ATP13A1: variants seen among roughly 807,000 people sequenced by gnomAD.
ATP13A1 encodes ATPase 13A1, also known as endoplasmic reticulum transmembrane helix translocase.
A neutral mutation model predicts 134.8 loss-of-function variants in ATP13A1; 55 were observed. The observed-to-expected ratio is 0.41, with a 90% CI of 0.33 to 0.51. The LOEUF (loss-of-function observed/expected upper bound fraction) is 0.51. ATP13A1 is among the 20% of genes least tolerant of loss of function. The pLI is 0.29. For missense variants in ATP13A1, 1,389 were observed against 1,652.8 expected (o/e 0.84, Z 2.77); for synonymous variants, 775 against 725.1 (o/e 1.07, Z -1.10).
intron 1 of ATP13A1, 164 bp downstream of exon 1, chr19:19,663,107 G>C: frequency 1.0e-6 from 1 of 1,002,878 alleles, no homozygotes; most frequent in Non-Finnish European, 1.5e-6. Flanking sequence ...GTCAGCAGTG[G>C]GGTCATGATT....
Position 19,656,783 on chromosome 19 carries a change from G to A in ATP13A1, c.977-17C>T. 6.2e-7 allele frequency: 1 copy of A among 1,613,188 alleles called. No homozygotes were observed. The highest frequency in any genetic ancestry group is 8.5e-7 in the Non-Finnish European group (1 of 1,179,682). On this transcript the variant is annotated splice_polypyrimidine_tract_variant and intron_variant, in intron 6 of 25. Coordinates refer to ENST00000357324, the MANE Select transcript of ATP13A1 (RefSeq NM_020410.3). This position sits in a 1 kb window ranked among gnomAD's most constrained non-coding sequence, Gnocchi z 4.6. Reference sequence around the variant, plus strand: ...GGGAGCGGCCTGCAGGGCAGAGGCAGGAGGGTTGGCCAGAGGCCCTGAGGC... The same window carrying A: ...GGGAGCGGCCTGCAGGGCAGAGGCAAGAGGGTTGGCCAGAGGCCCTGAGGC...
At position 19,655,082 on chromosome 19, in the gene ATP13A1, T is replaced by C. The variant is rs574474951; in HGVS notation, c.1655+37A>G. On this transcript the variant is annotated intron_variant, in intron 12 of 25. Transcript: ENST00000357324. This position sits in a 1 kb window ranked among gnomAD's most constrained non-coding sequence, Gnocchi z 5.7. ...GTCTCTCGACTTCCCAGAAACCCCA[T>C]CTGGGTGACCTTTGCTGCAGGGCCC... 2.5e-6 allele frequency: 4 copies of C among 1,611,564 alleles called. No homozygotes were observed. In the South Asian group the frequency reaches 3.3e-5, roughly 13 times the overall value.
rs904445113 is a variant in ATP13A1, at chr19:19,655,946, G to A, written c.1214-13C>T. 6.2e-7 allele frequency: 1 copy of A among 1,604,398 alleles called. No individual in the cohort carries two copies. The highest frequency in any genetic ancestry group is 1.3e-5 in the African/African-American group (1 of 74,866). On this transcript the variant is annotated splice_polypyrimidine_tract_variant and intron_variant, in intron 8 of 25. Coordinates refer to ENST00000357324, the MANE Select transcript of ATP13A1 (RefSeq NM_020410.3). The surrounding 1 kb of genome is among the most constrained non-coding windows in gnomAD (Gnocchi z 5.7). ...CCGCTGTCAACCGCTGGGGAGAGAA[G>A]CAGAGTCACCGTCATGCCTGTCTCC...
chr19:19,658,810 T>C (rs770215100), intron 3 of ATP13A1, among the ~76,000 whole-genome samples: 2 of 152,206 alleles, frequency 1.3e-5, no homozygotes, highest in Non-Finnish European at 2.9e-5. Flanking sequence ...CAGTGAGGAC[T>C]GAAATGTTTA....
rs769542724 is a variant in ATP13A1, at chr19:19,654,668, A to G, written c.1688T>C (p.Ile563Thr). The G allele has an allele frequency of 6.2e-7, 1 of 1,613,372 alleles. No individual in the cohort carries two copies. Among genetic ancestry groups the G allele is most frequent in the Non-Finnish European group, 8.5e-7 (1 of 1,179,810 alleles). Residue 563 changes from isoleucine to threonine, a missense_variant, in exon 13 of 26, where the codon ATC becomes ACC. Transcript: ENST00000357324. ...DGKEVTPVSSIPVETHRALAS... is the reference protein window; with the variant it reads ...DGKEVTPVSSTPVETHRALAS... ...CAGGGCCCGGTGTGTTTCTACAGGG[A>G]TGCTGGACACTGGGGTCACCTCCTT... is the stretch of plus-strand genomic sequence containing the variant.
chr19:19,646,347 G>A lies in ATP13A1; in HGVS notation c.3106C>T (p.Pro1036Ser). 6.2e-7 allele frequency: 1 copy of A among 1,613,780 alleles called. No individual in the cohort carries two copies. The highest frequency in any genetic ancestry group is 8.5e-7 in the Non-Finnish European group (1 of 1,179,842). ...GCFLFISRSK[P>S]LKTLSRERPL... ...CGTTCTCGGGAGAGGGTCTTGAGGGGCTGCAGCAGCAAGGCGGGTGGGGGA... is the reference window on the plus strand; with the variant it reads ...CGTTCTCGGGAGAGGGTCTTGAGGGACTGCAGCAGCAAGGCGGGTGGGGGA... Residue 1036 changes from proline to serine, a missense_variant and splice_region_variant, in exon 23 of 26, where the codon CCC becomes TCC. This residue lies in a region of ATP13A1 where 228 missense variants were observed against 321.0 expected (regional missense o/e 0.71). Coordinates refer to ENST00000357324, the MANE Select transcript of ATP13A1 (RefSeq NM_020410.3).
At position 19,656,758 on chromosome 19, in the gene ATP13A1, G is replaced by A. The variant is rs868323031; in HGVS notation, c.985C>T (p.Pro329Ser). 2 of 1,613,670 alleles carry A rather than the reference G, an allele frequency of 1.2e-6. No individual in the cohort carries two copies. The highest frequency in any genetic ancestry group is 2.2e-5 in the East Asian group (1 of 44,886). ...PGDIVSIGRS[P>S]QENLVPCDVL... Reference sequence around the variant, plus strand: ...TCACATGGCACCAGGTTCTCCTGTGGGGAGCGGCCTGCAGGGCAGAGGCAG... The same window carrying A: ...TCACATGGCACCAGGTTCTCCTGTGAGGAGCGGCCTGCAGGGCAGAGGCAG... Residue 329 changes from proline (P) to serine (S), a missense_variant, in exon 7 of 26, where the codon CCA becomes TCA. Physicochemically the swap from Pro to Ser is moderately conservative, Grantham distance 74. Coordinates refer to ENST00000357324, the MANE Select transcript of ATP13A1 (RefSeq NM_020410.3). The surrounding 1 kb of genome is among the most constrained non-coding windows in gnomAD (Gnocchi z 4.6).
chr19:19,650,319 T>C, intron 17 of ATP13A1: 1 of 235,482 alleles, frequency 4.2e-6, no homozygotes, highest in Non-Finnish European at 8.4e-6. Flanking sequence ...CATTTATCCC[T>C]GCGCCCGTGG....
chr19:19,652,652 G>A lies in ATP13A1; in HGVS notation c.2169C>T (p.Cys723=). The A allele has an allele frequency of 2.5e-6, 4 of 1,608,546 alleles. No homozygotes were observed. The highest frequency in any genetic ancestry group is 3.4e-6 in the Non-Finnish European group (4 of 1,177,832). The change falls in exon 16 of 26, where the codon TGC becomes TGT. Residue 723 remains cysteine (C), a synonymous_variant. Transcript: ENST00000357324. ...LKFVGFIVVS[C]PLKADSKAVI... is the part of the protein sequence containing the mutation. ...CGGCCTTGGAGTCAGCCTTGAGCGGGCAGGAGACCACAATGAAGCCGACGA... is the reference window on the plus strand; with the variant it reads ...CGGCCTTGGAGTCAGCCTTGAGCGGACAGGAGACCACAATGAAGCCGACGA...
Position 19,653,445 on chromosome 19 carries a change from G to C in ATP13A1, c.2100+339C>G. On this transcript the variant is annotated intron_variant, in intron 15 of 25. Coordinates refer to ENST00000357324, the MANE Select transcript of ATP13A1 (RefSeq NM_020410.3). The surrounding 1 kb of genome is among the most constrained non-coding windows in gnomAD (Gnocchi z 4.2). ...CCAAGCGGCAGATGTGCCGGTGGTGGAGGCGGAGGGTGGGCTTTGTGGAGG... is the reference window on the plus strand; with the variant it reads ...CCAAGCGGCAGATGTGCCGGTGGTGCAGGCGGAGGGTGGGCTTTGTGGAGG... 1 of 354,606 alleles carries C rather than the reference G, an allele frequency of 2.8e-6. No individual in the cohort carries two copies. Among genetic ancestry groups the C allele is most frequent in the Non-Finnish European group, 5.2e-6 (1 of 192,352 alleles). 22.0% of individuals were successfully genotyped at this position (354,606 alleles called of 1,614,324 possible).
intron 1 of ATP13A1, among the ~76,000 whole-genome samples, chr19:19,661,108 C>A (rs898455906): frequency 2.0e-5 from 3 of 150,600 alleles, no homozygotes; most frequent in East Asian, 1.9e-4. Flanking sequence ...AACAAAAAAA[C>A]CCCAAAAAAC....
At chr19:19,662,416 C>T in intron 1 of ATP13A1, 11 of 959,242 alleles carry the variant, frequency 1.1e-5, no homozygotes, top group Non-Finnish European at 1.4e-5. Flanking sequence ...TTTTCCTCTT[C>T]TTGAGGCAAA....
In ATP13A1 at chr19:19,656,022, C is replaced by G. The variant is rs200974847; in HGVS notation, c.1213+32G>C. On this transcript the variant is annotated intron_variant, in intron 8 of 25. Transcript: ENST00000357324. The surrounding 1 kb of genome is among the most constrained non-coding windows in gnomAD (Gnocchi z 4.6). ...CAGACGGGCAAAGGGGGTGGAAGCC[C>G]AGATACCCCCAGACGCCCATGAGGC... The G allele has an allele frequency of 1.2e-6, 2 of 1,613,188 alleles. No homozygotes were observed. Among genetic ancestry groups the G allele is most frequent in the African/African-American group, 2.7e-5 (2 of 75,020 alleles).
At chr19:19,662,697 C>T (rs2062102041) in intron 1 of ATP13A1, among the ~76,000 whole-genome samples, 1 of 152,198 alleles carries the variant, frequency 6.6e-6, no homozygotes, top group South Asian at 2.1e-4. Flanking sequence ...ATGTAAATGA[C>T]TCGCTCATAA....
rs2061992073 is a variant in ATP13A1, at chr19:19,647,259, G to A, written c.2975C>T (p.Ala992Val). 3.1e-6 allele frequency: 5 copies of A among 1,613,818 alleles called. No homozygotes were observed. Among genetic ancestry groups the A allele is most frequent in the Non-Finnish European group, 4.2e-6 (5 of 1,179,872 alleles). ...VTTLQMFKILALNALILAYSQ... is the reference protein window; with the variant it reads ...VTTLQMFKILVLNALILAYSQ... ...GTAGGCCAGGATGAGGGCATTGAGC[G>A]CCAGGATCTTGAACATCTGTAGCGT... The change falls in exon 22 of 26, where the codon GCG becomes GTG. Residue 992 changes from alanine to valine, a missense_variant. Physicochemically the swap from Ala to Val is moderately conservative, Grantham distance 64. Transcript: ENST00000357324. The surrounding 1 kb of genome is among the most constrained non-coding windows in gnomAD (Gnocchi z 4.8).
rs1196112547 is a variant in ATP13A1 at position 19,663,418 on chromosome 19, G to A, written c.249C>T (p.Ala83=). The change falls in exon 1 of 26, where the codon GCC becomes GCT. Residue 83 remains alanine, a synonymous_variant. Transcript: ENST00000357324. The part of the protein sequence containing the change: ...LLYPAWLGAA[A]AGCWGWGSSW... ...TGCTGCCCCAGCCCCAGCAGCCAGC[G>A]GCTGCGGCACCCAACCAGGCCGGGT... The A allele has an allele frequency of 6.3e-7, 1 of 1,576,950 alleles. No homozygotes were observed. The highest frequency in any genetic ancestry group is 8.6e-7 in the Non-Finnish European group (1 of 1,163,822).
At position 19,653,612 on chromosome 19, in the gene ATP13A1, G is replaced by A; in HGVS notation, c.2100+172C>T. 1 of 658,380 alleles carries A rather than the reference G, an allele frequency of 1.5e-6. No homozygotes were observed. Among genetic ancestry groups the A allele is most frequent in the Non-Finnish European group, 2.6e-6 (1 of 388,068 alleles). The allele number at this position is 658,380 out of a possible 1,614,324, so 40.8% of individuals were successfully genotyped here. ...AGCCAGGACTGGGTGGGTCCCCACA[G>A]CAGTGGACAGACTGAGTGCCATTTG... On this transcript the variant is annotated intron_variant, in intron 15 of 25. Transcript: ENST00000357324. This position sits in a 1 kb window ranked among gnomAD's most constrained non-coding sequence, Gnocchi z 4.2.
chr19:19,663,064 A>G lies in ATP13A1; in HGVS notation c.396+207T>C, dbSNP rs754285582. ...ACCATAACAGGGAGGACTTCAGAAAAAGGAAATAACCCGCACCAGGCATGC... is the reference window on the plus strand; with the variant it reads ...ACCATAACAGGGAGGACTTCAGAAAGAGGAAATAACCCGCACCAGGCATGC... On this transcript the variant is annotated intron_variant, in intron 1 of 25. Coordinates refer to ENST00000357324, the MANE Select transcript of ATP13A1 (RefSeq NM_020410.3). The G allele has an allele frequency of 2.8e-5, 22 of 778,452 alleles. No individual in the cohort carries two copies. In the South Asian group the frequency reaches 3.2e-4, roughly 11 times the overall value. 48.2% of individuals were successfully genotyped at this position (778,452 alleles called of 1,614,324 possible).
At chr19:19,661,766 A>C (rs904292131) in intron 1 of ATP13A1, among the ~76,000 whole-genome samples, 1 of 152,178 alleles carries the variant, frequency 6.6e-6, no homozygotes, top group Non-Finnish European at 1.5e-5. Flanking sequence ...GACGAGCTGC[A>C]TGGAGATGGG....
Sources: allele counts gnomAD v4.1 joint callset (sites outside exome capture counted in the v4.1 genomes callset), GRCh38; gene constraint gnomAD v4.1.1; regional missense constraint gnomAD v4.1.1; non-coding constraint Gnocchi (gnomAD v3.1); transcripts MANE v1.5; gene names NCBI Gene and HGNC (gene_info 2026-07-23, HGNC 2026-07-21).